The following GRAMD1B variants were observed in gnomAD, a reference collection of about 807,000 sequenced individuals.
GRAMD1B encodes GRAM domain containing 1B, also known as protein Aster-B.
In GRAMD1B, 37 loss-of-function variants were observed where a neutral mutation model predicts 99.7. That is an observed-to-expected ratio of 0.37 (90% CI 0.29 to 0.49). GRAMD1B has a LOEUF of 0.49. GRAMD1B is among the 20% of genes least tolerant of loss of function. GRAMD1B has a pLI of 0.98. For missense variants in GRAMD1B, 888 were observed against 1,009.2 expected (o/e 0.88, Z 1.63); for synonymous variants, 427 against 387.6 (o/e 1.10, Z -1.19).
intron 1 of GRAMD1B, among the ~76,000 whole-genome samples, chr11:123,438,326 C>T (rs751521164): frequency 7.9e-5 from 12 of 152,144 alleles, no homozygotes; most frequent in Non-Finnish European, 1.3e-4. Flanking sequence ...CATTACAGCT[C>T]CACTGCCCTA....
intron 2 of GRAMD1B, among the ~76,000 whole-genome samples, chr11:123,546,173 C>A (rs979199672): frequency 6.6e-6 from 1 of 152,132 alleles, no homozygotes; most frequent in African/African-American, 2.4e-5. Context: ...CAAATTGGTC[C>A]CCTGAGTTAA....
At chr11:123,478,595 G>A (rs762090406) in intron 1 of GRAMD1B, among the ~76,000 whole-genome samples, 8 of 152,156 alleles carry the variant, frequency 5.3e-5, no homozygotes, top group Non-Finnish European at 1.2e-4. Context: ...GCCATCTAGT[G>A]GGTAAACTTG....
rs559869632 is a variant in GRAMD1B at position 123,608,829 on chromosome 11, C to A, written c.1657+27C>A. 8.7e-6 allele frequency: 12 copies of A among 1,384,196 alleles called. No homozygotes were observed. The African/African-American group carries it at 1.1e-4, about 13-fold the overall frequency. 85.7% of individuals were successfully genotyped at this position (1,384,196 alleles called of 1,614,324 possible). A position where few individuals can be genotyped will look rare whatever the true frequency, so the allele number is the denominator to read the frequency against. ...TCCGTTCTGCTGGGACTGTACCCCC[C>A]ATTCCTCCCTCTTCATCCTCACTTC... is the stretch of plus-strand genomic sequence containing the variant. On this transcript the variant is annotated intron_variant, in intron 12 of 19. Transcript: ENST00000635736.
At chr11:123,399,022 G>A (rs1243295631) in intron 1 of GRAMD1B, among the ~76,000 whole-genome samples, 1 of 152,130 alleles carries the variant, frequency 6.6e-6, no homozygotes, top group Non-Finnish European at 1.5e-5. Context: ...ATGCTGCCCA[G>A]GAGATGTCTA....
At chr11:123,401,355 T>A (rs1464260421) in intron 1 of GRAMD1B, among the ~76,000 whole-genome samples, 1 of 152,234 alleles carries the variant, frequency 6.6e-6, no homozygotes, top group Non-Finnish European at 1.5e-5. Flanking sequence ...CTCCCAGGTG[T>A]CACAGCCTGT....
At chr11:123,378,241 T>C (rs1379504225) in intron 1 of GRAMD1B, among the ~76,000 whole-genome samples, 4 of 152,158 alleles carry the variant, frequency 2.6e-5, no homozygotes, top group Non-Finnish European at 4.4e-5. Flanking sequence ...CCCAGGTTGA[T>C]CTGACTTCAA....
chr11:123,390,110 CA>C (rs1167401657), intron 1 of GRAMD1B, among the ~76,000 whole-genome samples: 1 of 142,670 alleles, frequency 7.0e-6, no homozygotes, highest in Non-Finnish European at 1.5e-5. Context: ...ATTGATTTAA[CA>C]AATAGCTAAT....
chr11:123,449,714 C>CATTTTTTTTTTTTTTT (rs1949796816), intron 1 of GRAMD1B, among the ~76,000 whole-genome samples: 1 of 99,988 alleles, frequency 1.0e-5, no homozygotes, highest in South Asian at 3.1e-4. Context: ...CCATGCCTGG[C>CATTTTTTTTTTTTTTT]TTTTTTTTTT....
intron 1 of GRAMD1B, among the ~76,000 whole-genome samples, chr11:123,377,511 G>A (rs941562340): frequency 1.2e-4 from 18 of 152,182 alleles, no homozygotes; most frequent in African/African-American, 4.3e-4. Flanking sequence ...GAAGGGGTCT[G>A]TGATGCACAG....
chr11:123,445,487 C>A (rs376333668), intron 1 of GRAMD1B, among the ~76,000 whole-genome samples: 2 of 152,122 alleles, frequency 1.3e-5, no homozygotes, highest in East Asian at 3.9e-4. Flanking sequence ...CTACGATGAA[C>A]CACATCTTCC....
chr11:123,541,779 A>G (rs765361430), intron 2 of GRAMD1B, among the ~76,000 whole-genome samples: 16 of 152,342 alleles, frequency 1.1e-4, no homozygotes, highest in Middle Eastern at 6.8e-3. Flanking sequence ...AATTATTCAC[A>G]GGAAGTTCCT....
upstream of GRAMD1B, among the ~76,000 whole-genome samples, chr11:123,429,487 G>T (rs1174150738): frequency 6.6e-6 from 1 of 152,140 alleles, no homozygotes; most frequent in African/African-American, 2.4e-5. This position sits in a 1 kb window ranked among gnomAD's most constrained non-coding sequence, Gnocchi z 4.0. Context: ...TCAGTCCATG[G>T]CAGGCTGAAG....
intron 1 of GRAMD1B, among the ~76,000 whole-genome samples, chr11:123,362,793 G>A (rs2135683747): frequency 6.6e-6 from 1 of 152,306 alleles, no homozygotes; most frequent in Non-Finnish European, 1.5e-5. Flanking sequence ...AGGGATGGAA[G>A]AGAGCAATTC....
chr11:123,470,000 G>C (rs967690999), intron 1 of GRAMD1B, among the ~76,000 whole-genome samples: 1 of 152,134 alleles, frequency 6.6e-6, no homozygotes, highest in African/African-American at 2.4e-5. Context: ...AGGACAAAAA[G>C]GGAATGCGAG....
At chr11:123,528,747 T>C (rs944881103) in intron 2 of GRAMD1B, among the ~76,000 whole-genome samples, 2 of 152,232 alleles carry the variant, frequency 1.3e-5, no homozygotes, top group African/African-American at 2.4e-5. Context: ...GTTAGACTTT[T>C]AAAAGTGTGT....
chr11:123,569,595 T>C (rs1450874924), intron 2 of GRAMD1B, among the ~76,000 whole-genome samples: 2 of 152,246 alleles, frequency 1.3e-5, no homozygotes, highest in Non-Finnish European at 2.9e-5. Flanking sequence ...GTAAATTTCA[T>C]GCAAATGTTA....
At chr11:123,582,297 C>T (rs943596679) in intron 3 of GRAMD1B, among the ~76,000 whole-genome samples, 3 of 152,230 alleles carry the variant, frequency 2.0e-5, no homozygotes, top group African/African-American at 7.2e-5. Context: ...CCATCCACCC[C>T]CTCCAGAAGG....
intron 1 of GRAMD1B, among the ~76,000 whole-genome samples, chr11:123,362,350 A>G (rs568778366): frequency 2.6e-5 from 4 of 152,322 alleles, no homozygotes; most frequent in African/African-American, 9.6e-5. Flanking sequence ...CCTAATGGGC[A>G]TAAAACAGGA....
chr11:123,485,507 G>A (rs1046798060), intron 2 of GRAMD1B, among the ~76,000 whole-genome samples: 1 of 152,170 alleles, frequency 6.6e-6, no homozygotes, highest in African/African-American at 2.4e-5. Flanking sequence ...AACCTTGACA[G>A]GAGTAGAGCG....
Sources: gnomAD v4.1 joint callset for allele counts (sites outside exome capture counted in the v4.1 genomes callset) on GRCh38, gnomAD v4.1.1 for gene constraint, Gnocchi (gnomAD v3.1) non-coding constraint, MANE v1.5 for transcripts, NCBI Gene and HGNC (gene_info 2026-07-23, HGNC 2026-07-21) for gene names.